Variants in EPHA6 observed in about 807,000 individuals in gnomAD.
EPHA6 encodes the protein EPH receptor A6.
In EPHA6, 50 loss-of-function variants were observed where a neutral mutation model predicts 112.0. The observed-to-expected ratio is 0.45, with a 90% confidence interval of 0.36 to 0.56. The LOEUF is 0.56. EPHA6 is among the 20% of genes least tolerant of loss of function. The pLI is 0.00. For synonymous variants in EPHA6, 529 were observed against 490.7 expected (o/e 1.08, Z -1.03); for missense variants, 1,280 against 1,417.4 (o/e 0.90, Z 1.56).
intron 10 of EPHA6, among the ~76,000 whole-genome samples, chr3:97,509,321 T>C (rs2092321675): frequency 6.6e-6 from 1 of 152,104 alleles, no homozygotes; most frequent in African/African-American, 2.4e-5. Context: ...CAGTGGCCGG[T>C]ACCGGTTGTT....
intron 5 of EPHA6, among the ~76,000 whole-genome samples, chr3:97,342,918 A>C: frequency 6.6e-6 from 1 of 152,208 alleles, no homozygotes; most frequent in East Asian, 1.9e-4. Flanking sequence ...GCCTGAGCTG[A>C]TTAAGACAGT....
chr3:97,287,762 C>T (rs530698176), intron 5 of EPHA6, among the ~76,000 whole-genome samples: 2 of 152,270 alleles, frequency 1.3e-5, no homozygotes, highest in East Asian at 3.9e-4. Context: ...ATGAATCCCA[C>T]TTAAATATGA....
intron 9 of EPHA6, among the ~76,000 whole-genome samples, chr3:97,481,889 G>T (rs2091563493): frequency 6.6e-6 from 1 of 152,194 alleles, no homozygotes; most frequent in African/African-American, 2.4e-5. Flanking sequence ...ATTTAGTACT[G>T]CTATGCAGAG....
intron 5 of EPHA6, among the ~76,000 whole-genome samples, chr3:97,330,147 T>C (rs897654018): frequency 3.3e-5 from 5 of 152,020 alleles, no homozygotes; most frequent in African/African-American, 1.2e-4. Flanking sequence ...GCATTATTTC[T>C]GAGGGCTCTG....
intron 11 of EPHA6, chr3:97,560,380 T>C (rs1245643978): frequency 6.6e-6 from 1 of 152,004 alleles, no homozygotes; most frequent in African/African-American, 2.4e-5. Context: ...CTAGAGCATC[T>C]AAAGGTAGCT....
chr3:97,090,761 A>T (rs557446597), intron 3 of EPHA6, among the ~76,000 whole-genome samples: 1 of 152,178 alleles, frequency 6.6e-6, no homozygotes, highest in East Asian at 1.9e-4. Flanking sequence ...TTTATAATGG[A>T]CTCATTGGCT....
chr3:97,013,845 A>T (rs1042075303), intron 3 of EPHA6, among the ~76,000 whole-genome samples: 2 of 152,168 alleles, frequency 1.3e-5, no homozygotes, highest in Non-Finnish European at 1.5e-5. Flanking sequence ...ATTATGAAGC[A>T]TGTTTTTGCA....
rs533482090 is a variant in EPHA6 at position 97,137,297 on chromosome 3, C to A, written c.1115-88967C>A. On this transcript the variant is annotated intron_variant, in intron 3 of 17. Coordinates refer to ENST00000389672, the MANE Select transcript of EPHA6 (RefSeq NM_001080448.3). Reference sequence around the variant, plus strand: ...GTTTGGACCTTAGAGTCTGCCAATTCTTGTACTCCTCCTGCCCCAGATTGC... The same window carrying A: ...GTTTGGACCTTAGAGTCTGCCAATTATTGTACTCCTCCTGCCCCAGATTGC... 1.4e-4 allele frequency among the ~76,000 whole-genome samples: 21 copies of A among 152,198 alleles called. No homozygotes were observed. The South Asian group carries it at 4.3e-3, about 32-fold the overall frequency.
intron 3 of EPHA6, among the ~76,000 whole-genome samples, chr3:97,121,661 A>T (rs2048044934): frequency 6.6e-6 from 1 of 152,078 alleles, no homozygotes; most frequent in Non-Finnish European, 1.5e-5. Context: ...GGGCTATATA[A>T]CTGCTTTCCC....
intron 3 of EPHA6, among the ~76,000 whole-genome samples, chr3:97,129,158 A>G (rs2108322042): frequency 6.6e-6 from 1 of 152,150 alleles, no homozygotes; most frequent in Non-Finnish European, 1.5e-5. Flanking sequence ...TACTCATTAG[A>G]ATCACCTGTC....
chr3:97,167,569 T>C (rs917037073), intron 3 of EPHA6, among the ~76,000 whole-genome samples: 11 of 152,152 alleles, frequency 7.2e-5, no homozygotes, highest in Non-Finnish European at 1.6e-4. Flanking sequence ...GTCATTAATT[T>C]TGAAGTTCAA....
chr3:97,552,688 G>T (rs993581673), intron 11 of EPHA6, among the ~76,000 whole-genome samples: 1 of 152,122 alleles, frequency 6.6e-6, no homozygotes, highest in Non-Finnish European at 1.5e-5. Context: ...AACCTCAGTG[G>T]TTAGCATTAA....
chr3:97,312,298 C>A (rs1198119998), intron 5 of EPHA6, among the ~76,000 whole-genome samples: 3 of 151,492 alleles, frequency 2.0e-5, no homozygotes, highest in Admixed American at 1.3e-4. Context: ...CCAACTAGGA[C>A]CTCCAATAAA....
chr3:97,716,255 C>T (rs930139025), intron 14 of EPHA6, among the ~76,000 whole-genome samples: 9 of 152,126 alleles, frequency 5.9e-5, no homozygotes, highest in African/African-American at 2.2e-4. Flanking sequence ...TTAAGTTGAT[C>T]CATTCAATTA....
At chr3:97,056,330 T>G (rs2045851877) in intron 3 of EPHA6, among the ~76,000 whole-genome samples, 2 of 152,226 alleles carry the variant, frequency 1.3e-5, no homozygotes, top group South Asian at 4.1e-4. Context: ...ATAAATTATA[T>G]GCTCACCCTA....
chr3:96,911,446 T>C (rs1395722864), intron 2 of EPHA6, among the ~76,000 whole-genome samples: 1 of 152,038 alleles, frequency 6.6e-6, no homozygotes, highest in African/African-American at 2.4e-5. Flanking sequence ...AAAGTTTAGG[T>C]AGATATAGTA....
chr3:97,459,365 T>G (rs1270392749), intron 7 of EPHA6, among the ~76,000 whole-genome samples: 2 of 152,174 alleles, frequency 1.3e-5, no homozygotes, highest in Non-Finnish European at 2.9e-5. Context: ...GACCCAGCAT[T>G]CTGTGTTGAC....
intron 14 of EPHA6, among the ~76,000 whole-genome samples, chr3:97,681,057 A>C (rs1339634554): frequency 6.6e-6 from 1 of 152,158 alleles, no homozygotes; most frequent in Non-Finnish European, 1.5e-5. Context: ...GAAAAAAGCA[A>C]GTAGTCAAAT....
chr3:97,007,703 G>A (rs1576309826), intron 3 of EPHA6, among the ~76,000 whole-genome samples: 1 of 152,058 alleles, frequency 6.6e-6, no homozygotes, highest in Non-Finnish European at 1.5e-5. Flanking sequence ...AGTGTCTTTG[G>A]TCTTTATATT....
Sources: allele counts gnomAD v4.1 joint callset (sites outside exome capture counted in the v4.1 genomes callset), GRCh38; gene constraint gnomAD v4.1.1; transcripts MANE v1.5; gene names NCBI Gene and HGNC (gene_info 2026-07-23, HGNC 2026-07-21).